Variants in DNAJC21 observed in about 807,000 individuals in gnomAD.
DNAJC21 encodes the protein dnaJ homolog subfamily C member 21.
Under a neutral mutation model 72.4 loss-of-function variants are expected in DNAJC21, and 63 were observed. The ratio of observed to expected loss-of-function variants is 0.87; its 90% CI spans 0.71 to 1.07. The LOEUF (loss-of-function observed/expected upper bound fraction) is 1.07. Ranked by LOEUF, DNAJC21 falls within the 50% of genes least tolerant of loss-of-function variation. DNAJC21 has a pLI of 0.00. For missense variants in DNAJC21, 634 were observed against 644.8 expected (o/e 0.98, Z 0.18); for synonymous variants, 203 against 216.7 (o/e 0.94, Z 0.56).
intron 9 of DNAJC21, among the ~76,000 whole-genome samples, chr5:34,948,493 A>T (rs1765245154): frequency 6.6e-6 from 1 of 152,262 alleles, no homozygotes; most frequent in Admixed American, 6.5e-5. Context: ...AACTTGAGTC[A>T]TCAAAAGGAA....
chr5:34,930,127 T>G, intron 1 of DNAJC21: 1 of 365,462 alleles, frequency 2.7e-6, no homozygotes, highest in Non-Finnish European at 5.1e-6. Context: ...ACACCCCATC[T>G]CCTCATACCC....
chr5:34,946,934 A>G (rs1359250075), intron 9 of DNAJC21, among the ~76,000 whole-genome samples: 4 of 152,192 alleles, frequency 2.6e-5, no homozygotes, highest in East Asian at 1.9e-4. Context: ...CTCAAAAGCT[A>G]TATTCCTTTA....
At chr5:34,939,248 T>C (rs1184596331) in intron 6 of DNAJC21, among the ~76,000 whole-genome samples, 1 of 152,158 alleles carries the variant, frequency 6.6e-6, no homozygotes, top group Non-Finnish European at 1.5e-5. Flanking sequence ...TGGACATGTT[T>C]ACAAGTGTGA....
intron 9 of DNAJC21, among the ~76,000 whole-genome samples, chr5:34,948,446 C>T (rs1765243794): frequency 6.6e-6 from 1 of 152,184 alleles, no homozygotes. Context: ...GTTAGAAGTA[C>T]TCAAGATCCA....
chr5:34,951,594 C>A, intron 10 of DNAJC21: 2 of 973,994 alleles, frequency 2.1e-6, no homozygotes, highest in Non-Finnish European at 2.4e-6. Context: ...GTGGCGCAAC[C>A]TCGGCTCACT....
Position 34,943,258 on chromosome 5 carries a change from A to G in DNAJC21, c.984-1609A>G, listed in dbSNP as rs192386236. ...ATGCAGTCTAAGAACATAATCTGGA[A>G]CAGCTTGTGTTGTCTTTTATGCTGT... On this transcript the variant is annotated intron_variant, in intron 7 of 11. Transcript: ENST00000648817. Among the ~76,000 whole-genome samples the G allele has an allele frequency of 9.2e-5, 14 of 152,332 alleles. No homozygotes were observed. The East Asian group carries it at 2.5e-3, about 27-fold the overall frequency.
At chr5:34,947,444 CGTA>C (rs1279693579) in intron 9 of DNAJC21, among the ~76,000 whole-genome samples, 1 of 151,970 alleles carries the variant, frequency 6.6e-6, no homozygotes, top group Non-Finnish European at 1.5e-5. Context: ...TGAAGTATCA[CGTA>C]GTTAAATTTT....
intron 9 of DNAJC21, 44 bp from the exon 10 acceptor site, chr5:34,950,126 G>A (rs1278580185): frequency 6.5e-7 from 1 of 1,547,346 alleles, no homozygotes; most frequent in African/African-American, 1.4e-5. Flanking sequence ...GCTAGTAGTA[G>A]TATTATATTT....
intron 5 of DNAJC21, among the ~76,000 whole-genome samples, 170 bp downstream of exon 5, chr5:34,937,800 AATT>A (rs549622489): frequency 5.2e-4 from 79 of 152,112 alleles, no homozygotes; most frequent in Middle Eastern, 6.8e-3. Context: ...ACTGTGTAAA[AATT>A]ATTATTATTT....
rs982067996 is a variant in DNAJC21 at position 34,930,013 on chromosome 5, A to G, written c.97+97A>G. The G allele has an allele frequency of 9.1e-6, 9 of 988,514 alleles. No individual in the cohort carries two copies. In the African/African-American group the frequency reaches 1.4e-4, roughly 15 times the overall value. The allele number at this position is 988,514 out of a possible 1,614,324, so 61.2% of individuals were successfully genotyped here. A position where few individuals can be genotyped will look rare whatever the true frequency, so the allele number is the denominator to read the frequency against. On this transcript the variant is annotated intron_variant, in intron 1 of 11. Transcript: ENST00000648817. ...GGCGGACTCCGCGGAGCCAGCAGAG[A>G]GGGACCTGGCGGCCTAGGAGCTCCT...
At chr5:34,932,500 A>G (rs1304599309) in intron 1 of DNAJC21, among the ~76,000 whole-genome samples, 1 of 151,976 alleles carries the variant, frequency 6.6e-6, no homozygotes, top group Non-Finnish European at 1.5e-5. Context: ...TTAGTTGTCT[A>G]TTGCTGTGTA....
At chr5:34,933,963 A>G in intron 2 of DNAJC21, 55 bp downstream of exon 2, 2 of 1,516,796 alleles carry the variant, frequency 1.3e-6, no homozygotes, top group Non-Finnish European at 9.0e-7. Context: ...AGCAGTTATC[A>G]ATATAGGTGG....
At chr5:34,949,033 G>T (rs879768198) in intron 9 of DNAJC21, among the ~76,000 whole-genome samples, 1 of 152,024 alleles carries the variant, frequency 6.6e-6, no homozygotes, top group African/African-American at 2.4e-5. Context: ...AAGTATATTC[G>T]GTAAATGGTC....
At chr5:34,945,383 G>C (rs1414602180) in intron 8 of DNAJC21, among the ~76,000 whole-genome samples, 1 of 152,228 alleles carries the variant, frequency 6.6e-6, no homozygotes, top group East Asian at 1.9e-4. Flanking sequence ...CGGCCTTAAA[G>C]GCTGTTTTAT....
In DNAJC21 at chr5:34,929,851, G is replaced by A. The variant is rs772171513; in HGVS notation, c.32G>A (p.Arg11Gln). The A allele has an allele frequency of 1.3e-6, 2 of 1,577,278 alleles. No homozygotes were observed. The highest frequency in any genetic ancestry group is 2.5e-5 in the East Asian group (1 of 40,410). MKCHYEALGV[R>Q]RDASEEELKK... is the part of the protein sequence containing the mutation. The stretch of plus-strand genomic sequence containing the variant: ...TGTCACTATGAGGCGCTGGGGGTGC[G>A]GCGCGACGCCAGCGAGGAGGAGCTC... Residue 11 changes from arginine to glutamine, a missense_variant, in exon 1 of 12, where the codon CGG becomes CAG. Coordinates refer to ENST00000648817, the MANE Select transcript of DNAJC21 (RefSeq NM_001012339.3).
At chr5:34,954,081 A>G (rs1239403203) in intron 11 of DNAJC21, 80 bp downstream of exon 11, 2 of 1,318,162 alleles carry the variant, frequency 1.5e-6, no homozygotes, top group Non-Finnish European at 1.0e-6. Context: ...GGAAATGTGT[A>G]TTTGGTGAGC....
intron 11 of DNAJC21, 184 bp downstream of exon 11, chr5:34,954,185 T>A: frequency 1.9e-6 from 1 of 539,156 alleles, no homozygotes; most frequent in Non-Finnish European, 3.2e-6. Flanking sequence ...AAGAAGCACA[T>A]TGGAAATGCT....
At chr5:34,934,223 G>A (rs913662835) in intron 2 of DNAJC21, among the ~76,000 whole-genome samples, 22 of 151,904 alleles carry the variant, frequency 1.4e-4, no homozygotes, top group Admixed American at 4.6e-4. Flanking sequence ...ACAGGTAGAA[G>A]GTTTTCGTTT....
intron 4 of DNAJC21, 102 bp downstream of exon 4, chr5:34,936,368 C>T (rs978173018): frequency 6.5e-6 from 9 of 1,379,150 alleles, no homozygotes; most frequent in Middle Eastern, 3.8e-4. Context: ...ACCCAGGCTG[C>T]AGTGCAGTGG....
Sources: gnomAD v4.1 joint callset for allele counts (sites outside exome capture counted in the v4.1 genomes callset) on GRCh38, gnomAD v4.1.1 for gene constraint, MANE v1.5 for transcripts, NCBI Gene and HGNC (gene_info 2026-07-23, HGNC 2026-07-21) for gene names.